The following HTR4 variants were observed in gnomAD, a reference collection of about 807,000 sequenced individuals.
HTR4 encodes the protein 5-hydroxytryptamine receptor 4.
A neutral mutation model predicts 36.8 loss-of-function variants in HTR4; 16 were observed. The observed-to-expected ratio is 0.43, with a 90% CI of 0.29 to 0.66. The LOEUF (loss-of-function observed/expected upper bound fraction) is 0.66. Ranked by LOEUF, HTR4 falls within the 30% of genes least tolerant of loss-of-function variation. The pLI, the probability that HTR4 is intolerant of heterozygous loss-of-function variation, is 0.13. For synonymous variants in HTR4, 189 were observed against 185.1 expected (o/e 1.02, Z -0.17); for missense variants, 438 against 490.9 (o/e 0.89, Z 1.02).
At chr5:148,533,107 C>T (rs1399113503) in intron 4 of HTR4, among the ~76,000 whole-genome samples, 1 of 152,192 alleles carries the variant, frequency 6.6e-6, no homozygotes, top group African/African-American at 2.4e-5. Context: ...GATTCATATG[C>T]TAGGTAGACA....
rs1754125812 is a variant in HTR4, at chr5:148,654,168, C to G, written c.-154G>C. The G allele has an allele frequency of 2.0e-6, 2 of 985,562 alleles. No homozygotes were observed. 61.1% of individuals were successfully genotyped at this position (985,562 alleles called of 1,614,324 possible). A position where few individuals can be genotyped will look rare whatever the true frequency, so the allele number is the denominator to read the frequency against. On this transcript the variant is annotated 5_prime_UTR_variant, in exon 1 of 7. Transcript: ENST00000377888. ...GCCGCTGCCGCTGCGCTCCCAGCCG[C>G]TGCCTGCGCCCTCCCTGCCGCCCCC... is the stretch of plus-strand genomic sequence containing the variant.
intron 6 of HTR4, among the ~76,000 whole-genome samples, chr5:148,502,263 A>G (rs1259381355): frequency 6.6e-6 from 1 of 152,154 alleles, no homozygotes; most frequent in Non-Finnish European, 1.5e-5. Flanking sequence ...GGGCAGACTG[A>G]TACCTCACAC....
At chr5:148,545,552 G>A (rs1029171760) in intron 4 of HTR4, among the ~76,000 whole-genome samples, 2 of 152,204 alleles carry the variant, frequency 1.3e-5, no homozygotes, top group African/African-American at 4.8e-5. Context: ...GAGAAAAATG[G>A]TTTTGATGGA....
At chr5:148,644,854 T>C (rs527818417) in intron 1 of HTR4, 9 of 152,256 alleles carry the variant, frequency 5.9e-5, no homozygotes, top group African/African-American at 1.7e-4. Flanking sequence ...AGGTCCATCA[T>C]TGGAAGTCTG....
downstream of HTR4, among the ~76,000 whole-genome samples, chr5:148,475,459 T>C (rs1412404536): frequency 3.3e-5 from 5 of 152,302 alleles, no homozygotes; most frequent in African/African-American, 7.2e-5. Context: ...GACACATTAA[T>C]TGGAGAGGAT....
chr5:148,558,491 A>G lies in HTR4; in HGVS notation c.27-8229T>C, dbSNP rs562329444. 2.0e-5 allele frequency among the ~76,000 whole-genome samples: 3 copies of G among 152,294 alleles called. No homozygotes were observed. In the South Asian group the frequency reaches 6.2e-4, roughly 32 times the overall value. On this transcript the variant is annotated intron_variant, in intron 2 of 6. Coordinates refer to ENST00000377888, the MANE Select transcript of HTR4 (RefSeq NM_000870.7). ...TAAATGAAAGATACTCACCAGTTTT[A>G]CAAGCTAGGACTGCCATTCTCAAGA...
At chr5:148,600,631 T>G (rs1761956236) in intron 2 of HTR4, among the ~76,000 whole-genome samples, 1 of 151,648 alleles carries the variant, frequency 6.6e-6, no homozygotes. Flanking sequence ...TTACAATAAT[T>G]TCAAAAGAAT....
At chr5:148,638,024 C>T (rs2127308352) in intron 1 of HTR4, among the ~76,000 whole-genome samples, 1 of 134,516 alleles carries the variant, frequency 7.4e-6, no homozygotes, top group African/African-American at 3.0e-5. Context: ...TGAATCTTAC[C>T]AAGAAGAACC....
intron 2 of HTR4, among the ~76,000 whole-genome samples, chr5:148,576,110 CAAAAAAAAAAAA>C (rs781780161): frequency 3.1e-5 from 1 of 32,712 alleles, no homozygotes; most frequent in Non-Finnish European, 5.4e-5. Flanking sequence ...GACTCCGTCT[CAAAAAAAAAAAA>C]AAAAAAAAAA....
chr5:148,641,242 C>T (rs1040114327), intron 1 of HTR4, among the ~76,000 whole-genome samples: 3 of 152,168 alleles, frequency 2.0e-5, no homozygotes, highest in South Asian at 2.1e-4. Context: ...AGAGCATCTC[C>T]TATGCTCAGG....
intron 2 of HTR4, among the ~76,000 whole-genome samples, chr5:148,585,498 T>C (rs1270420507): frequency 6.6e-6 from 1 of 152,246 alleles, no homozygotes; most frequent in Non-Finnish European, 1.5e-5. Context: ...TGCTAGTCAC[T>C]GTTGATATAT....
In HTR4 at chr5:148,521,068, C is replaced by T. The variant is rs1369463638; in HGVS notation, c.507+2125G>A. The T allele has an allele frequency of 4.6e-6, 6 of 1,309,300 alleles. No homozygotes were observed. The East Asian group carries it at 1.9e-4, about 42-fold the overall frequency. 81.1% of individuals were successfully genotyped at this position (1,309,300 alleles called of 1,614,324 possible). On this transcript the variant is annotated intron_variant, in intron 5 of 6. Coordinates refer to ENST00000377888, the MANE Select transcript of HTR4 (RefSeq NM_000870.7). ...TGTTGCTCTTAATCTCTCCTCTCCACTCCACTTCCCACATCTCGATGTATC... is the reference window on the plus strand; with the variant it reads ...TGTTGCTCTTAATCTCTCCTCTCCATTCCACTTCCCACATCTCGATGTATC...
intron 2 of HTR4, among the ~76,000 whole-genome samples, chr5:148,596,757 ACT>A (rs1186319486): frequency 1.3e-5 from 2 of 151,662 alleles, no homozygotes; most frequent in Non-Finnish European, 2.9e-5. Flanking sequence ...TCCTACACAA[ACT>A]CTGATTTTTC....
chr5:148,532,386 C>T (rs1486058053), intron 4 of HTR4, among the ~76,000 whole-genome samples: 1 of 152,160 alleles, frequency 6.6e-6, no homozygotes, highest in East Asian at 1.9e-4. Flanking sequence ...ATGGCTAGTA[C>T]AATGCCAGAT....
intron 2 of HTR4, among the ~76,000 whole-genome samples, chr5:148,601,671 T>C (rs1393240296): frequency 1.3e-5 from 2 of 151,976 alleles, no homozygotes; most frequent in Admixed American, 1.3e-4. Context: ...CACAGTGGCA[T>C]GCATCTGTAG....
chr5:148,464,776 A>T (rs1283445163), intron 5 of HTR4, among the ~76,000 whole-genome samples: 3 of 152,192 alleles, frequency 2.0e-5, no homozygotes, highest in African/African-American at 4.8e-5. Context: ...AAAAACCTGC[A>T]CACATGTATA....
intron 5 of HTR4, among the ~76,000 whole-genome samples, chr5:148,453,626 C>T (rs935662747): frequency 1.3e-5 from 2 of 151,776 alleles, no homozygotes; most frequent in Non-Finnish European, 2.9e-5. Flanking sequence ...CTGGTTGAGG[C>T]AGAAAGAGTA....
At chr5:148,558,544 C>G (rs1428576255) in intron 2 of HTR4, among the ~76,000 whole-genome samples, 1 of 152,174 alleles carries the variant, frequency 6.6e-6, no homozygotes, top group East Asian at 1.9e-4. Flanking sequence ...GAAAGGAAAT[C>G]ATCAAGAAAT....
At chr5:148,478,286 C>A (rs941515770), downstream of HTR4, among the ~76,000 whole-genome samples, 6 of 152,040 alleles carry the variant, frequency 3.9e-5, no homozygotes, top group Non-Finnish European at 7.4e-5. Flanking sequence ...CAACATGGAA[C>A]TAGGCGATTT....
Sources: gnomAD v4.1 joint callset for allele counts (sites outside exome capture counted in the v4.1 genomes callset) on GRCh38, gnomAD v4.1.1 for gene constraint, MANE v1.5 for transcripts, NCBI Gene and HGNC (gene_info 2026-07-23, HGNC 2026-07-21) for gene names.